COL8A1: variants seen among roughly 807,000 people sequenced by gnomAD.
COL8A1 encodes the protein collagen alpha-1(VIII) chain.
In COL8A1, 21 loss-of-function variants were observed where a neutral mutation model predicts 42.7. The observed-to-expected ratio is 0.49, with a 90% CI of 0.35 to 0.71. The LOEUF is 0.71. Among genes scored for constraint, COL8A1 ranks in the 30% least tolerant of loss-of-function variants. COL8A1 has a pLI of 0.01. For synonymous variants in COL8A1, 367 were observed against 369.1 expected (o/e 0.99, Z 0.06); for missense variants, 788 against 962.4 (o/e 0.82, Z 2.40).
chr3:99,736,921 T>C, intron 1 of COL8A1, among the ~76,000 whole-genome samples: 1 of 152,242 alleles, frequency 6.6e-6, no homozygotes, highest in Non-Finnish European at 1.5e-5. Flanking sequence ...TCCTCCTGTA[T>C]TGGGTGCATA....
chr3:99,739,127 C>T (rs543448766), intron 1 of COL8A1, among the ~76,000 whole-genome samples: 16 of 152,224 alleles, frequency 1.1e-4, no homozygotes, highest in Admixed American at 9.8e-4. Flanking sequence ...CACTGTCTGG[C>T]AATCCCTAGT....
chr3:99,713,563 T>C (rs1480014671), intron 1 of COL8A1, among the ~76,000 whole-genome samples: 1 of 152,128 alleles, frequency 6.6e-6, no homozygotes. Flanking sequence ...ACTTGAAACC[T>C]GCATCAGTAA....
chr3:99,747,059 G>T (rs1296668411), intron 2 of COL8A1, among the ~76,000 whole-genome samples: 3 of 151,984 alleles, frequency 2.0e-5, no homozygotes, highest in African/African-American at 7.2e-5. Flanking sequence ...ACCATGATAG[G>T]CATACAATTA....
chr3:99,738,451 C>A (rs1478580478), intron 1 of COL8A1, among the ~76,000 whole-genome samples: 1 of 152,180 alleles, frequency 6.6e-6, no homozygotes, highest in Non-Finnish European at 1.5e-5. Flanking sequence ...ACAGACAGGA[C>A]CCTCAGCTGC....
intron 1 of COL8A1, among the ~76,000 whole-genome samples, chr3:99,676,522 T>G (rs2107318598): frequency 6.6e-6 from 1 of 151,890 alleles, no homozygotes; most frequent in Admixed American, 6.6e-5. Flanking sequence ...AGAAAAGGGG[T>G]TTGATAACAT....
chr3:99,666,438 A>G (rs1938370829), intron 1 of COL8A1, among the ~76,000 whole-genome samples: 1 of 152,182 alleles, frequency 6.6e-6, no homozygotes, highest in Non-Finnish European at 1.5e-5. Flanking sequence ...TTTGATTCAT[A>G]TCCTGGGTCT....
At chr3:99,675,122 T>G (rs900651076) in intron 1 of COL8A1, among the ~76,000 whole-genome samples, 1 of 152,032 alleles carries the variant, frequency 6.6e-6, no homozygotes, top group Non-Finnish European at 1.5e-5. Flanking sequence ...TCTGAGAAAC[T>G]GTGTGCTTCT....
intron 1 of COL8A1, among the ~76,000 whole-genome samples, chr3:99,722,877 G>A (rs1417170870): frequency 6.6e-6 from 1 of 152,014 alleles, no homozygotes; most frequent in Non-Finnish European, 1.5e-5. Flanking sequence ...ATTGGAACTA[G>A]AGAAACAGAA....
chr3:99,705,412 T>A (rs1282964613), intron 1 of COL8A1, among the ~76,000 whole-genome samples: 1 of 152,210 alleles, frequency 6.6e-6, no homozygotes, highest in Admixed American at 6.5e-5. Context: ...ATAGAAAGGT[T>A]ATTTGTATTC....
At chr3:99,651,032 C>T (rs781441157) in intron 1 of COL8A1, among the ~76,000 whole-genome samples, 5 of 152,158 alleles carry the variant, frequency 3.3e-5, no homozygotes, top group Admixed American at 6.5e-5. Context: ...GTCTTCTTCC[C>T]TATATCTGTA....
chr3:99,724,185 G>C (rs1940237247), intron 1 of COL8A1, among the ~76,000 whole-genome samples: 1 of 151,994 alleles, frequency 6.6e-6, no homozygotes, highest in East Asian at 1.9e-4. Context: ...TGGAGAGAGA[G>C]GACTCAGTTT....
At chr3:99,669,146 T>TATATATAGAGAGAG in intron 1 of COL8A1, among the ~76,000 whole-genome samples, 1 of 115,392 alleles carries the variant, frequency 8.7e-6, no homozygotes, top group Admixed American at 9.5e-5. Flanking sequence ...TATATATATA[T>TATATATAGAGAGAG]AGAGGGAGAG....
At chr3:99,677,603 CAA>C (rs1176898936) in intron 1 of COL8A1, 2 of 152,114 alleles carry the variant, frequency 1.3e-5, no homozygotes, top group African/African-American at 4.8e-5. Context: ...TGAAAATATA[CAA>C]AGTGTTTACG....
intron 1 of COL8A1, among the ~76,000 whole-genome samples, chr3:99,732,694 A>G (rs1322575879): frequency 6.6e-6 from 1 of 151,806 alleles, no homozygotes; most frequent in Non-Finnish European, 1.5e-5. Context: ...CCCCTCCCAA[A>G]TCTCATGTCC....
At chr3:99,640,295 T>C (rs538297711) in intron 1 of COL8A1, among the ~76,000 whole-genome samples, 1 of 152,324 alleles carries the variant, frequency 6.6e-6, no homozygotes, top group East Asian at 1.9e-4. Flanking sequence ...TTGCTTTATA[T>C]CTGATGCACA....
intron 1 of COL8A1, among the ~76,000 whole-genome samples, chr3:99,669,162 G>T (rs1400807374): frequency 1.1e-4 from 16 of 143,878 alleles, no homozygotes; most frequent in African/African-American, 3.9e-4. Context: ...GAGAGAGAGA[G>T]AGAGAGAGAG....
chr3:99,646,229 C>G (rs1937638719), intron 1 of COL8A1, among the ~76,000 whole-genome samples: 1 of 152,110 alleles, frequency 6.6e-6, no homozygotes, highest in Non-Finnish European at 1.5e-5. Flanking sequence ...AAAAAAAATC[C>G]TTGGCACACC....
intron 1 of COL8A1, among the ~76,000 whole-genome samples, chr3:99,689,394 T>C (rs886699099): frequency 2.6e-5 from 4 of 152,158 alleles, no homozygotes; most frequent in Non-Finnish European, 4.4e-5. Flanking sequence ...CAGACCATAA[T>C]CTCCTCAATC....
intron 1 of COL8A1, among the ~76,000 whole-genome samples, chr3:99,685,282 C>T (rs1939016493): frequency 6.6e-6 from 1 of 152,076 alleles, no homozygotes; most frequent in African/African-American, 2.4e-5. Context: ...TGGTATGCCC[C>T]AAATCTTAAT....
Sources: gnomAD v4.1 joint callset for allele counts (sites outside exome capture counted in the v4.1 genomes callset) on GRCh38, gnomAD v4.1.1 for gene constraint, MANE v1.5 for transcripts, NCBI Gene and HGNC (gene_info 2026-07-23, HGNC 2026-07-21) for gene names.